The following FHOD3 variants were observed in gnomAD, a reference collection of about 807,000 sequenced individuals.
The protein encoded by FHOD3 is formin homology 2 domain containing 3.
In FHOD3, 90 loss-of-function variants were observed where a neutral mutation model predicts 173.0. The ratio of observed to expected loss-of-function variants is 0.52; its 90% CI spans 0.44 to 0.62. The LOEUF is 0.62. Among genes scored for constraint, FHOD3 ranks in the 20% least tolerant of loss-of-function variants. The pLI is 0.00. For synonymous variants in FHOD3, 828 were observed against 823.0 expected, an observed-to-expected ratio of 1.01 and a Z score of -0.10; for missense variants, 1,945 against 2,034.7, an observed-to-expected ratio of 0.96 and a Z score of 0.85.
intron 5 of FHOD3, among the ~76,000 whole-genome samples, chr18:36,556,710 T>A (rs576497158): frequency 4.6e-5 from 7 of 152,204 alleles, no homozygotes; most frequent in African/African-American, 1.2e-4. Flanking sequence ...TTTTAAAGAG[T>A]TTTTTTAAAT....
intron 2 of FHOD3, among the ~76,000 whole-genome samples, chr18:36,371,970 C>T (rs548109412): frequency 6.6e-6 from 1 of 150,738 alleles, no homozygotes. Context: ...CATGTTTTCT[C>T]CCCTTTATCT....
At chr18:36,595,004 C>A in intron 7 of FHOD3, 106 bp downstream of exon 7, 2 of 687,086 alleles carry the variant, frequency 2.9e-6, no homozygotes, top group Admixed American at 3.1e-5. Context: ...ATAGAATTCC[C>A]GAGATGTGGA....
intron 17 of FHOD3, among the ~76,000 whole-genome samples, chr18:36,707,273 A>T (rs2039934251): frequency 6.6e-6 from 1 of 152,132 alleles, no homozygotes; most frequent in African/African-American, 2.4e-5. Flanking sequence ...CCTCAGCTGC[A>T]GGGGGGTCTT....
At chr18:36,501,466 C>T (rs939644272) in intron 3 of FHOD3, among the ~76,000 whole-genome samples, 2 of 152,192 alleles carry the variant, frequency 1.3e-5, no homozygotes, top group Non-Finnish European at 2.9e-5. Context: ...GCCTGTAAGG[C>T]AAGGGAGGCA....
intron 16 of FHOD3, among the ~76,000 whole-genome samples, chr18:36,690,837 G>C (rs951891647): frequency 6.6e-6 from 1 of 152,106 alleles, no homozygotes; most frequent in Non-Finnish European, 1.5e-5. Context: ...TCACATTGTT[G>C]TGTAACCAGT....
intron 3 of FHOD3, among the ~76,000 whole-genome samples, chr18:36,392,040 A>G (rs2037042): frequency 0.44 from 67,446 of 152,086 alleles, 15,468 homozygotes; most frequent in East Asian, 0.68. Flanking sequence ...GCCCAGTGGC[A>G]CTGGACCCTG....
intron 3 of FHOD3, among the ~76,000 whole-genome samples, chr18:36,377,491 C>A (rs1324202961): frequency 2.0e-5 from 3 of 152,182 alleles, no homozygotes; most frequent in Non-Finnish European, 4.4e-5. Flanking sequence ...TTTGGAATTT[C>A]CATAAAAACT....
chr18:36,704,918 T>C (rs2039788507), intron 17 of FHOD3, among the ~76,000 whole-genome samples: 1 of 152,234 alleles, frequency 6.6e-6, no homozygotes, highest in Admixed American at 6.5e-5. Flanking sequence ...CCATGTGTTC[T>C]TCCAGTGGTG....
At chr18:36,737,664 C>T (rs1447561673) in intron 20 of FHOD3, among the ~76,000 whole-genome samples, 3 of 152,194 alleles carry the variant, frequency 2.0e-5, no homozygotes, top group African/African-American at 7.2e-5. Flanking sequence ...ATCTGCAATG[C>T]AGTTTTGCAT....
intron 11 of FHOD3, 118 bp from the exon 12 acceptor site, chr18:36,652,452 G>C: frequency 8.0e-7 from 1 of 1,250,602 alleles, no homozygotes; most frequent in Non-Finnish European, 1.1e-6. Context: ...GCTTGACTTT[G>C]AAGTGAGTGA....
intron 3 of FHOD3, among the ~76,000 whole-genome samples, chr18:36,374,246 C>G (rs1193200023): frequency 6.6e-6 from 1 of 152,166 alleles, no homozygotes; most frequent in Non-Finnish European, 1.5e-5. Context: ...ATCCTATCGT[C>G]CCATGTGATA....
chr18:36,652,611 A>G lies in FHOD3; in HGVS notation c.1328A>G (p.Asp443Gly). ...AASGQSPTGR[D>G]AAPKSSALPA... The stretch of plus-strand genomic sequence containing the variant: ...TCAGGGCAGAGCCCCACTGGAAGGG[A>G]TGCTGCTCCCAAGAGCTCTGCCCTC... Residue 443 changes from aspartate (D) to glycine (G), a missense_variant, in exon 12 of 29, where the codon GAT (aspartate) becomes GGT (glycine). Asp to Gly is a moderately conservative substitution (Grantham distance 94). This residue lies in a region of FHOD3 where 1,099 missense variants were observed against 1,051.2 expected (regional missense o/e 1.05). Coordinates refer to ENST00000590592, the MANE Select transcript of FHOD3 (RefSeq NM_001281740.3). 1.3e-6 allele frequency: 2 copies of G among 1,534,806 alleles called. No homozygotes were observed. The highest frequency in any genetic ancestry group is 1.7e-6 in the Non-Finnish European group (2 of 1,146,632).
At chr18:36,727,326 CT>C (rs1212894707) in intron 19 of FHOD3, among the ~76,000 whole-genome samples, 3 of 152,044 alleles carry the variant, frequency 2.0e-5, no homozygotes, top group African/African-American at 7.2e-5. Flanking sequence ...GTAAGTGCTG[CT>C]TTAGATTATT....
chr18:36,305,258 A>C (rs921432771), intron 1 of FHOD3, among the ~76,000 whole-genome samples: 8 of 152,240 alleles, frequency 5.3e-5, no homozygotes, highest in African/African-American at 1.9e-4. Context: ...CCTCTTCACC[A>C]GTTAGTTTTG....
chr18:36,372,774 CAT>C, intron 3 of FHOD3, 30 bp downstream of exon 3: 1 of 1,597,506 alleles, frequency 6.3e-7, no homozygotes, highest in Non-Finnish European at 8.6e-7. Flanking sequence ...AGGAACTAAA[CAT>C]ATGATGAAAG....
At chr18:36,718,807 G>A in intron 19 of FHOD3, 92 bp downstream of exon 19, 1 of 1,508,908 alleles carries the variant, frequency 6.6e-7, no homozygotes, top group Non-Finnish European at 8.8e-7. Context: ...CATTGCTTTT[G>A]CTATTTGGTA....
At chr18:36,477,233 T>A (rs1948139004) in intron 3 of FHOD3, among the ~76,000 whole-genome samples, 1 of 152,076 alleles carries the variant, frequency 6.6e-6, no homozygotes, top group Non-Finnish European at 1.5e-5. Flanking sequence ...GAGGTTGGGA[T>A]GGTGCAGTTC....
chr18:36,532,205 G>T (rs1335334573), intron 5 of FHOD3, among the ~76,000 whole-genome samples: 2 of 152,218 alleles, frequency 1.3e-5, no homozygotes, highest in East Asian at 3.9e-4. Flanking sequence ...GTGATTTCTA[G>T]ACTTGGAGTA....
intron 5 of FHOD3, among the ~76,000 whole-genome samples, chr18:36,513,428 C>A (rs2055774964): frequency 6.6e-6 from 1 of 152,216 alleles, no homozygotes; most frequent in Non-Finnish European, 1.5e-5. Flanking sequence ...TCAGGCGGGT[C>A]AGGGTTCTGC....
Sources: gnomAD v4.1 joint callset for allele counts (sites outside exome capture counted in the v4.1 genomes callset) on GRCh38, gnomAD v4.1.1 for gene constraint, gnomAD v4.1.1 regional missense constraint, MANE v1.5 for transcripts, NCBI Gene and HGNC (gene_info 2026-07-23, HGNC 2026-07-21) for gene names.